Variants in TRPM8 observed in about 807,000 individuals in gnomAD.
TRPM8 encodes the protein TRPM8 cationic channel.
A neutral mutation model predicts 133.7 loss-of-function variants in TRPM8; 110 were observed. The observed-to-expected ratio is 0.82, with a 90% CI of 0.70 to 0.96. The LOEUF (loss-of-function observed/expected upper bound fraction) is 0.96, where lower values mean the gene tolerates loss of function less well. Among genes scored for constraint, TRPM8 ranks in the 40% least tolerant of loss-of-function variants. The pLI is 0.00. For missense variants in TRPM8, 1,291 were observed against 1,379.5 expected (o/e 0.94, Z 1.02); for synonymous variants, 535 against 532.3 (o/e 1.01, Z -0.07).
intron 13 of TRPM8, among the ~76,000 whole-genome samples, chr2:233,964,426 C>T (rs1465640084): frequency 6.6e-6 from 1 of 151,564 alleles, no homozygotes; most frequent in Non-Finnish European, 1.5e-5. Context: ...GTGGTGGGTG[C>T]CTATAATCCC....
intron 17 of TRPM8, among the ~76,000 whole-genome samples, chr2:233,978,429 C>T (rs187085056): frequency 7.1e-4 from 108 of 152,210 alleles, no homozygotes; most frequent in Non-Finnish European, 1.3e-3. Context: ...CACTTTTTAA[C>T]ATCTCTGAAA....
chr2:233,977,337 T>C (rs1574751541), intron 17 of TRPM8, among the ~76,000 whole-genome samples: 1 of 152,362 alleles, frequency 6.6e-6, no homozygotes, highest in East Asian at 1.9e-4. Context: ...GAATACAGCT[T>C]ATCCCAGGCA....
At chr2:233,990,807 A>G (rs1190177587) in intron 21 of TRPM8, among the ~76,000 whole-genome samples, 1 of 152,158 alleles carries the variant, frequency 6.6e-6, no homozygotes, top group Non-Finnish European at 1.5e-5. Flanking sequence ...ACCTCATCTA[A>G]CCTGCCTCAG....
At chr2:233,981,956 G>A in intron 19 of TRPM8, 41 bp downstream of exon 19, 2 of 1,556,692 alleles carry the variant, frequency 1.3e-6, no homozygotes, top group Non-Finnish European at 1.7e-6. Flanking sequence ...TTTTCTTGCG[G>A]GGCCCAGAGT....
chr2:234,011,710 A>T (rs112399575), intron 24 of TRPM8, among the ~76,000 whole-genome samples: 12,682 of 152,042 alleles, frequency 0.083, 654 homozygotes, highest in East Asian at 0.12. Context: ...CAAGGTCAGG[A>T]GATCGAGACC....
intron 25 of TRPM8, among the ~76,000 whole-genome samples, chr2:234,016,234 A>C (rs1692953018): frequency 6.8e-6 from 1 of 147,192 alleles, no homozygotes; most frequent in African/African-American, 2.7e-5. Context: ...TCTACACAGA[A>C]AAAAAAAGAG....
chr2:233,931,025 T>C (rs1489291178), intron 3 of TRPM8, among the ~76,000 whole-genome samples: 3 of 152,218 alleles, frequency 2.0e-5, no homozygotes, highest in Non-Finnish European at 2.9e-5. Context: ...CCCACCTGAG[T>C]GACCTTGGTA....
chr2:233,976,989 A>C (rs773679979), intron 17 of TRPM8, among the ~76,000 whole-genome samples: 2 of 152,104 alleles, frequency 1.3e-5, no homozygotes, highest in Non-Finnish European at 2.9e-5. Context: ...TACACTTGTT[A>C]GGGGAAAAAA....
chr2:233,921,727 A>T (rs1162994162), intron 1 of TRPM8, among the ~76,000 whole-genome samples: 1 of 119,746 alleles, frequency 8.4e-6, no homozygotes, highest in Non-Finnish European at 1.6e-5. Flanking sequence ...CCCAGGCTGG[A>T]GTGCAGGGGC....
chr2:233,977,273 C>T (rs555013582), intron 17 of TRPM8, among the ~76,000 whole-genome samples: 1 of 152,160 alleles, frequency 6.6e-6, no homozygotes, highest in South Asian at 2.1e-4. Context: ...TTTTGAGGCA[C>T]GTTGAATCTC....
chr2:233,952,032 C>T (rs115662693), intron 9 of TRPM8, among the ~76,000 whole-genome samples: 2 of 152,130 alleles, frequency 1.3e-5, no homozygotes, highest in African/African-American at 4.8e-5. Context: ...CATGGTTATT[C>T]CCCCATGCCT....
chr2:233,999,381 A>G (rs962002203), intron 22 of TRPM8, among the ~76,000 whole-genome samples: 1 of 151,106 alleles, frequency 6.6e-6, no homozygotes, highest in African/African-American at 2.5e-5. Context: ...TCAGAAAGTC[A>G]GATGACGTCA....
chr2:233,969,754 T>C lies in TRPM8; in HGVS notation c.2085T>C (p.Ile695=). Residue 695 remains isoleucine (I), a synonymous_variant, in exon 16 of 26, where the codon ATT becomes ATC. Coordinates refer to ENST00000324695, the MANE Select transcript of TRPM8 (RefSeq NM_024080.5). ...EISRDTKNWK[I]ILCLFIIPLV... ...CCCGAGACACCAAGAACTGGAAGAT[T>C]ATCCTGTGTCTGTTTATTATACCCT... 6.2e-7 allele frequency: 1 copy of C among 1,614,094 alleles called. No homozygotes were observed. Among genetic ancestry groups the C allele is most frequent in the Non-Finnish European group, 8.5e-7 (1 of 1,179,926 alleles).
intron 11 of TRPM8, among the ~76,000 whole-genome samples, chr2:233,960,021 G>T (rs1415707027): frequency 6.6e-6 from 1 of 151,322 alleles, no homozygotes; most frequent in Non-Finnish European, 1.5e-5. Context: ...GACCTCAAGT[G>T]ATTTTCCCAT....
chr2:233,927,369 C>T (rs1691539630), intron 2 of TRPM8, among the ~76,000 whole-genome samples: 1 of 152,180 alleles, frequency 6.6e-6, no homozygotes, highest in African/African-American at 2.4e-5. Context: ...AACAAATACG[C>T]AAAAACCTGC....
At chr2:234,010,969 T>G (rs1692822913) in intron 24 of TRPM8, among the ~76,000 whole-genome samples, 1 of 152,216 alleles carries the variant, frequency 6.6e-6, no homozygotes, top group Non-Finnish European at 1.5e-5. Flanking sequence ...GAAGAAGGTT[T>G]TGTTTTACAT....
rs144962808 is a variant in TRPM8 at position 233,937,461 on chromosome 2, C to G, written c.300C>G (p.Thr100=). The G allele has an allele frequency of 1.8e-4, 291 of 1,614,050 alleles. 1 individual carries two copies. The highest frequency in any genetic ancestry group is 1.2e-3 in the African/African-American group (92 of 75,008). The change falls in exon 4 of 26, where the codon ACC becomes ACG. Residue 100 remains threonine, a synonymous_variant. Transcript: ENST00000324695. ...NYKKHTKEFP[T]DAFGDIQFET... is the part of the protein sequence containing the mutation. ...AGAAACACACCAAGGAATTTCCTAC[C>G]GACGCCTTTGGGGATATTCAGTTTG...
intron 2 of TRPM8, among the ~76,000 whole-genome samples, chr2:233,927,467 A>G (rs1448907738): frequency 6.6e-6 from 1 of 152,172 alleles, no homozygotes; most frequent in African/African-American, 2.4e-5. Context: ...GCCAGCCCTC[A>G]GGGGCTGCCC....
In TRPM8 at chr2:233,931,524, C is replaced by T. The variant is rs371985345; in HGVS notation, c.191+783C>T. 1.7e-3 allele frequency among the ~76,000 whole-genome samples: 264 copies of T among 152,236 alleles called. 1 individual carries two copies. Among genetic ancestry groups the T allele is most frequent in the African/African-American group, 6.2e-3 (257 of 41,536 alleles). On this transcript the variant is annotated intron_variant, in intron 3 of 25. Transcript: ENST00000324695. ...GAAATAAGGAAAAAAGCTTTAGAAC[C>T]AGCTTTGGTTTCAACCTTGACTTGG...
Sources: gnomAD v4.1 joint callset for allele counts (sites outside exome capture counted in the v4.1 genomes callset) on GRCh38, gnomAD v4.1.1 for gene constraint, MANE v1.5 for transcripts, NCBI Gene and HGNC (gene_info 2026-07-23, HGNC 2026-07-21) for gene names.